The following GRIK4 variants were observed in gnomAD, a reference collection of about 807,000 sequenced individuals.
GRIK4 encodes the protein glutamate ionotropic receptor kainate type subunit 4, also known as glutamate receptor ionotropic, kainate 4.
GRIK4 carries 40 observed loss-of-function variants against 104.9 expected under a neutral mutation model. That is an observed-to-expected ratio of 0.38 (90% confidence interval 0.30 to 0.50). The LOEUF is 0.50. Among genes scored for constraint, GRIK4 ranks in the 20% least tolerant of loss-of-function variants. The probability of loss-of-function intolerance (pLI) is 0.93; values close to 1 mark genes in which losing one functional copy is unlikely to be tolerated. For synonymous variants in GRIK4, 485 were observed against 524.9 expected (o/e 0.92, Z 1.04); for missense variants, 1,047 against 1,308.1 (o/e 0.80, Z 3.08).
intron 14 of GRIK4, among the ~76,000 whole-genome samples, chr11:120,945,246 C>T (rs1365382515): frequency 6.6e-6 from 1 of 152,184 alleles, no homozygotes; most frequent in Non-Finnish European, 1.5e-5. Flanking sequence ...ATACCCAGCT[C>T]AAATGGCACT....
intron 1 of GRIK4, among the ~76,000 whole-genome samples, chr11:120,614,969 A>T (rs756485553): frequency 7.2e-5 from 11 of 152,238 alleles, no homozygotes; most frequent in Non-Finnish European, 1.5e-4. Flanking sequence ...ACTGCACTCC[A>T]GCCTGGGCAA....
At chr11:120,805,580 C>T (rs1396031181) in intron 4 of GRIK4, among the ~76,000 whole-genome samples, 1 of 152,198 alleles carries the variant, frequency 6.6e-6, no homozygotes, top group Non-Finnish European at 1.5e-5. Context: ...TCAGTTTTTA[C>T]ATCTCAGTGT....
At chr11:120,656,711 A>C (rs1949715934) in intron 2 of GRIK4, among the ~76,000 whole-genome samples, 2 of 152,172 alleles carry the variant, frequency 1.3e-5, no homozygotes, top group Admixed American at 1.3e-4. Context: ...AAAATTAGCC[A>C]GGCTTGGTGG....
At position 120,695,231 on chromosome 11, in the gene GRIK4, C is replaced by T. The variant is rs114241597; in HGVS notation, c.82+34831C>T. ...GCTGTGAGTTTGCCAGCTATAGGGCCACCCCAACATGGCTGTGAGTAGGCT... is the reference window on the plus strand; with the variant it reads ...GCTGTGAGTTTGCCAGCTATAGGGCTACCCCAACATGGCTGTGAGTAGGCT... On this transcript the variant is annotated intron_variant, in intron 3 of 20. Coordinates refer to ENST00000527524, the MANE Select transcript of GRIK4 (RefSeq NM_014619.5). Among the ~76,000 whole-genome samples, 264 of 152,336 alleles carry T rather than the reference C, an allele frequency of 1.7e-3. 1 individual carries two copies. Among genetic ancestry groups the T allele is most frequent in the African/African-American group, 6.2e-3 (257 of 41,580 alleles).
At chr11:120,701,025 A>G (rs1950543635) in intron 3 of GRIK4, among the ~76,000 whole-genome samples, 1 of 152,204 alleles carries the variant, frequency 6.6e-6, no homozygotes, top group Admixed American at 6.5e-5. Flanking sequence ...CCTAGGAGCA[A>G]TACGCTGTTT....
intron 8 of GRIK4, among the ~76,000 whole-genome samples, chr11:120,840,368 G>C (rs924076923): frequency 2.0e-5 from 3 of 151,844 alleles, no homozygotes. Flanking sequence ...TGATGTTAGA[G>C]ACTTGATCAG....
At chr11:120,776,870 G>A (rs1952053351) in intron 3 of GRIK4, among the ~76,000 whole-genome samples, 1 of 152,212 alleles carries the variant, frequency 6.6e-6, no homozygotes, top group Non-Finnish European at 1.5e-5. Context: ...CAGAGCAAGA[G>A]ACAAGAGAGA....
chr11:120,618,868 G>A (rs1949147943), intron 1 of GRIK4, among the ~76,000 whole-genome samples: 1 of 152,360 alleles, frequency 6.6e-6, no homozygotes, highest in East Asian at 1.9e-4. Context: ...GGAGAAGCTT[G>A]CTGCAGGGTT....
intron 16 of GRIK4, among the ~76,000 whole-genome samples, chr11:120,958,052 G>A (rs554801516): frequency 6.6e-6 from 1 of 152,374 alleles, no homozygotes; most frequent in South Asian, 2.1e-4. Context: ...TCTCAGCAAG[G>A]AGAGTCACGG....
At chr11:120,912,446 C>T (rs1182472358) in intron 13 of GRIK4, among the ~76,000 whole-genome samples, 4 of 152,108 alleles carry the variant, frequency 2.6e-5, no homozygotes, top group African/African-American at 7.2e-5. Context: ...GGGAGGAAGA[C>T]GGGAGCCCGT....
intron 3 of GRIK4, among the ~76,000 whole-genome samples, chr11:120,737,699 G>GA (rs1222585905): frequency 2.0e-5 from 3 of 151,846 alleles, no homozygotes; most frequent in East Asian, 1.9e-4. Context: ...AATCATAAAA[G>GA]AAAAAAAACC....
chr11:120,817,625 C>T (rs1305019440), intron 5 of GRIK4, among the ~76,000 whole-genome samples: 1 of 152,226 alleles, frequency 6.6e-6, no homozygotes, highest in African/African-American at 2.4e-5. Flanking sequence ...TCTTGTCCCC[C>T]ACACACCTCC....
intron 2 of GRIK4, among the ~76,000 whole-genome samples, chr11:120,654,175 G>C (rs1893907): frequency 0.53 from 81,261 of 151,934 alleles, 23,603 homozygotes; most frequent in East Asian, 0.7. Flanking sequence ...GCAGGGGCCT[G>C]GGATTTGTGA....
chr11:120,962,809 G>A (rs963554068), intron 18 of GRIK4, 128 bp downstream of exon 18: 74 of 566,574 alleles, frequency 1.3e-4, no homozygotes, highest in African/African-American at 1.1e-3. Flanking sequence ...GTGACTTTAC[G>A]TGGGCATTCT....
At chr11:120,887,896 T>A (rs889004283) in intron 11 of GRIK4, among the ~76,000 whole-genome samples, 1 of 152,142 alleles carries the variant, frequency 6.6e-6, no homozygotes, top group Non-Finnish European at 1.5e-5. Flanking sequence ...GGGGTGACAT[T>A]CAGGCTGAAG....
intron 11 of GRIK4, 21 bp from the exon 12 acceptor site, chr11:120,898,511 C>T (rs757873132): frequency 3.1e-5 from 44 of 1,397,326 alleles, no homozygotes; most frequent in South Asian, 2.9e-4. Flanking sequence ...TCTTCCCAGT[C>T]CTCTCCGTTG....
chr11:120,603,640 A>G (rs775114933), intron 1 of GRIK4, among the ~76,000 whole-genome samples: 2 of 152,180 alleles, frequency 1.3e-5, no homozygotes, highest in African/African-American at 2.4e-5. Flanking sequence ...AAAATAAAGA[A>G]ACACATGCCG....
At chr11:120,975,281 CCT>C (rs1240262343) in intron 19 of GRIK4, among the ~76,000 whole-genome samples, 1 of 152,118 alleles carries the variant, frequency 6.6e-6, no homozygotes, top group Non-Finnish European at 1.5e-5. Flanking sequence ...GGGATGCTTC[CCT>C]CTCTCTTTCT....
intron 1 of GRIK4, among the ~76,000 whole-genome samples, chr11:120,568,632 C>T (rs1021110636): frequency 3.9e-5 from 6 of 152,188 alleles, no homozygotes; most frequent in African/African-American, 1.2e-4. Flanking sequence ...AAGTGATCCA[C>T]CTACCTCGGC....
Sources: allele counts gnomAD v4.1 joint callset (sites outside exome capture counted in the v4.1 genomes callset), GRCh38; gene constraint gnomAD v4.1.1; transcripts MANE v1.5; gene names NCBI Gene and HGNC (gene_info 2026-07-23, HGNC 2026-07-21).